Variants in BRPF1 observed in about 807,000 individuals in gnomAD.
BRPF1 encodes the protein bromodomain and PHD finger containing 1, also known as peregrin.
Under a neutral mutation model 115.0 loss-of-function variants are expected in BRPF1, and 15 were observed. The observed-to-expected ratio is 0.13, with a 90% CI of 0.09 to 0.20. BRPF1 has a LOEUF of 0.20. BRPF1 is among the 10% of genes least tolerant of loss of function. The probability of loss-of-function intolerance (pLI) is 1.00; values close to 1 mark genes in which losing one functional copy is unlikely to be tolerated. For missense variants in BRPF1, 1,118 were observed against 1,638.3 expected (o/e 0.68, Z 5.48); for synonymous variants, 647 against 619.8 (o/e 1.04, Z -0.65).
In BRPF1 at chr3:9,743,573, C is replaced by T; in HGVS notation, c.2312-5C>T. 1 of 1,610,246 alleles carries T rather than the reference C, an allele frequency of 6.2e-7. No homozygotes were observed. The highest frequency in any genetic ancestry group is 8.5e-7 in the Non-Finnish European group (1 of 1,177,720). Reference sequence around the variant, plus strand: ...CTGACCTTTCCCCTCCAACCCTACCCCTAGCAGCCGAGGAAGAGCGGCTGG... The same window carrying T: ...CTGACCTTTCCCCTCCAACCCTACCTCTAGCAGCCGAGGAAGAGCGGCTGG... On this transcript the variant is annotated splice_polypyrimidine_tract_variant and splice_region_variant and intron_variant, in intron 7 of 13. Coordinates refer to ENST00000383829, the MANE Select transcript of BRPF1 (RefSeq NM_001003694.2). The surrounding 1 kb of genome is among the most constrained non-coding windows in gnomAD (Gnocchi z 6.1).
At chr3:9,746,194 G>C in intron 12 of BRPF1, 106 bp from the exon 13 acceptor site, 1 of 1,363,694 alleles carries the variant, frequency 7.3e-7, no homozygotes, top group Non-Finnish European at 1.0e-6. Context: ...CTAGTAGCAT[G>C]ATACCCTCTC....
chr3:9,740,471 G>A (rs1167675646), intron 3 of BRPF1, among the ~76,000 whole-genome samples: 1 of 152,132 alleles, frequency 6.6e-6, no homozygotes, highest in African/African-American at 2.4e-5. Context: ...AGTCTCAGTG[G>A]GGCTCCCAGG....
Position 9,747,563 on chromosome 3 carries a change from G to A in BRPF1, c.*214G>A. On this transcript the variant is annotated 3_prime_UTR_variant, in exon 14 of 14. Coordinates refer to ENST00000383829, the MANE Select transcript of BRPF1 (RefSeq NM_001003694.2). This position sits in a 1 kb window ranked among gnomAD's most constrained non-coding sequence, Gnocchi z 5.6. ...CAATGGCAGTTCAGCGCAAGGAGAG[G>A]GAGGGCCCACAGGTCAGAAAAAGCT... is the stretch of plus-strand genomic sequence containing the variant. 1 of 505,202 alleles carries A rather than the reference G, an allele frequency of 2.0e-6. No homozygotes were observed. 31.3% of individuals were successfully genotyped at this position (505,202 alleles called of 1,614,324 possible).
In BRPF1 at chr3:9,745,430, G is replaced by A. The variant is rs983868350; in HGVS notation, c.3069-143G>A. The A allele has an allele frequency of 9.3e-6, 10 of 1,075,468 alleles. No homozygotes were observed. Among genetic ancestry groups the A allele is most frequent in the Admixed American group, 9.1e-5 (4 of 44,104 alleles). The allele number at this position is 1,075,468 out of a possible 1,614,324, so 66.6% of individuals were successfully genotyped here. The stretch of plus-strand genomic sequence containing the variant: ...TTAGGTCATCAGCCTAGCCCCTGTG[G>A]GTGTTTGAATTTGAAATTCCTCATA... On this transcript the variant is annotated intron_variant, in intron 10 of 13. Coordinates refer to ENST00000383829, the MANE Select transcript of BRPF1 (RefSeq NM_001003694.2). This position sits in a 1 kb window ranked among gnomAD's most constrained non-coding sequence, Gnocchi z 5.1.
Position 9,739,230 on chromosome 3 carries a change from T to C in BRPF1, c.831T>C (p.Cys277=), listed in dbSNP as rs1321966464. ...NALVDEDAVC[C]ICNDGECQNS... is the part of the protein sequence containing the mutation. The stretch of plus-strand genomic sequence containing the variant: ...TAGTGGACGAGGATGCTGTTTGCTG[T>C]ATCTGCAATGATGGTGAGTGCCAGA... The change falls in exon 3 of 14, where the codon TGT becomes TGC. Residue 277 remains cysteine, a synonymous_variant. Coordinates refer to ENST00000383829, the MANE Select transcript of BRPF1 (RefSeq NM_001003694.2). 1 of 1,613,488 alleles carries C rather than the reference T, an allele frequency of 6.2e-7. No homozygotes were observed. The highest frequency in any genetic ancestry group is 1.7e-5 in the Admixed American group (1 of 59,980).
intron 6 of BRPF1, chr3:9,742,455 C>T (rs776103701): frequency 1.1e-4 from 105 of 985,292 alleles, no homozygotes; most frequent in Non-Finnish European, 1.2e-4. Flanking sequence ...GTGCTGAACC[C>T]TAGAACGGAG....
At position 9,740,796 on chromosome 3, in the gene BRPF1, A is replaced by G. The variant is rs1575158111; in HGVS notation, c.1577A>G (p.Asn526Ser). ...CCTCCCAGGCTTAGTAAAATCACCA[A>G]CCGCCTGACCATCCAAAGGAAGAGC... is the stretch of plus-strand genomic sequence containing the variant. ...IPPHRLSKIT[N>S]RLTIQRKSQF... Residue 526 changes from asparagine to serine, a missense_variant, in exon 4 of 14, where the codon AAC becomes AGC. Asn to Ser is a conservative substitution (Grantham distance 46). Coordinates refer to ENST00000383829, the MANE Select transcript of BRPF1 (RefSeq NM_001003694.2). 3.1e-6 allele frequency: 5 copies of G among 1,613,952 alleles called. No individual in the cohort carries two copies. Among genetic ancestry groups the G allele is most frequent in the Non-Finnish European group, 4.2e-6 (5 of 1,179,934 alleles).
At position 9,743,913 on chromosome 3, in the gene BRPF1, A is replaced by G. The variant is rs150035645; in HGVS notation, c.2635+12A>G. On this transcript the variant is annotated intron_variant, in intron 8 of 13. Coordinates refer to ENST00000383829, the MANE Select transcript of BRPF1 (RefSeq NM_001003694.2). This position sits in a 1 kb window ranked among gnomAD's most constrained non-coding sequence, Gnocchi z 6.1. ...GGAGACAAGCAAAGGTCTGAATCCC[A>G]TGGCAAGGTGGACCCCAAAGCAAGT... is the stretch of plus-strand genomic sequence containing the variant. 3.2e-6 allele frequency: 5 copies of G among 1,550,160 alleles called. No homozygotes were observed. In the African/African-American group the frequency reaches 5.4e-5, roughly 17 times the overall value.
intron 2 of BRPF1, among the ~76,000 whole-genome samples, chr3:9,735,770 C>T (rs1056180339): frequency 3.3e-5 from 5 of 152,054 alleles, no homozygotes; most frequent in Admixed American, 3.3e-4. Flanking sequence ...CAGTGTGGTG[C>T]TGAAACTACA....
intron 4 of BRPF1, 137 bp downstream of exon 4, chr3:9,741,078 A>G (rs894410502): frequency 1.9e-6 from 2 of 1,067,594 alleles, no homozygotes; most frequent in Non-Finnish European, 1.3e-6. Flanking sequence ...CAGGATCAGC[A>G]TGGAATGTTC....
intron 5 of BRPF1, 77 bp downstream of exon 5, chr3:9,741,516 A>G: frequency 2.1e-6 from 3 of 1,397,276 alleles, no homozygotes; most frequent in Non-Finnish European, 2.8e-6. Context: ...AGGCGCCTGT[A>G]GTCCCAGCTA....
intron 2 of BRPF1, among the ~76,000 whole-genome samples, chr3:9,738,600 G>A (rs1400071155): frequency 2.6e-5 from 4 of 152,106 alleles, no homozygotes; most frequent in South Asian, 4.1e-4. Context: ...CCGATTCTTC[G>A]TACCATCATC....
At chr3:9,733,908 G>A (rs1028392184) in intron 1 of BRPF1, among the ~76,000 whole-genome samples, 3 of 152,234 alleles carry the variant, frequency 2.0e-5, no homozygotes, top group South Asian at 2.1e-4. Context: ...TGTGAGATTG[G>A]GCTAAAGAAG....
Position 9,734,049 on chromosome 3 carries a change from A to T in BRPF1, c.-10-82A>T. The T allele has an allele frequency of 6.6e-7, 1 of 1,504,590 alleles. No individual in the cohort carries two copies. The allele number at this position is 1,504,590 out of a possible 1,614,324, so 93.2% of individuals were successfully genotyped here. On this transcript the variant is annotated intron_variant, in intron 1 of 13. Transcript: ENST00000383829. The surrounding 1 kb of genome is among the most constrained non-coding windows in gnomAD (Gnocchi z 5.7). ...AATCTGGTGACTCCAAGTGAGGGGG[A>T]GGGCTAGAAAGACTGGGGTCTCTGG...
In BRPF1 at chr3:9,745,376, C is replaced by T. The variant is rs2077105541; in HGVS notation, c.3069-197C>T. ...GTGATGATTAGAGTATGCACTCCTG[C>T]CGCCACTGCTCAGGCTAACCCACCT... On this transcript the variant is annotated intron_variant, in intron 10 of 13. Transcript: ENST00000383829. The surrounding 1 kb of genome is among the most constrained non-coding windows in gnomAD (Gnocchi z 5.1). Among the ~76,000 whole-genome samples, 1 of 152,270 alleles carries T rather than the reference C, an allele frequency of 6.6e-6. No homozygotes were observed. The highest frequency in any genetic ancestry group is 1.5e-5 in the Non-Finnish European group (1 of 68,048).
intron 1 of BRPF1, chr3:9,733,361 C>T (rs1381076417): frequency 1.3e-5 from 2 of 152,224 alleles, no homozygotes; most frequent in Non-Finnish European, 2.9e-5. Context: ...TTCAGCTATT[C>T]GTTCAACAGG....
In BRPF1 at chr3:9,741,054, G is replaced by C. The variant is rs957637248; in HGVS notation, c.1722+113G>C. Reference sequence around the variant, plus strand: ...GGGCTTAGACTCTTTCCTCCTTTAAGCTAGCCCTCAAACCAGGATCAGCAT... The same window carrying C: ...GGGCTTAGACTCTTTCCTCCTTTAACCTAGCCCTCAAACCAGGATCAGCAT... On this transcript the variant is annotated intron_variant, in intron 4 of 13. Transcript: ENST00000383829. 5 of 1,227,558 alleles carry C rather than the reference G, an allele frequency of 4.1e-6. No homozygotes were observed. In the African/African-American group the frequency reaches 6.0e-5, roughly 15 times the overall value. 76.0% of individuals were successfully genotyped at this position (1,227,558 alleles called of 1,614,324 possible).
At chr3:9,736,907 A>G (rs1294224476) in intron 2 of BRPF1, among the ~76,000 whole-genome samples, 3 of 152,234 alleles carry the variant, frequency 2.0e-5, no homozygotes, top group African/African-American at 7.2e-5. Context: ...TATACGTGAC[A>G]TGCAGCCTAC....
chr3:9,736,072 C>T (rs1402001914), intron 2 of BRPF1, among the ~76,000 whole-genome samples: 4 of 118,376 alleles, frequency 3.4e-5, no homozygotes, highest in Admixed American at 1.2e-4. Flanking sequence ...AGTGCAGTGG[C>T]GTGATCTCGG....
Sources: allele counts gnomAD v4.1 joint callset (sites outside exome capture counted in the v4.1 genomes callset), GRCh38; gene constraint gnomAD v4.1.1; non-coding constraint Gnocchi (gnomAD v3.1); transcripts MANE v1.5; gene names NCBI Gene and HGNC (gene_info 2026-07-23, HGNC 2026-07-21).